Variants in ANO1 observed in about 807,000 individuals in gnomAD.
ANO1 encodes the protein anoctamin 1, also known as anoctamin-1.
Under a neutral mutation model 124.0 loss-of-function variants are expected in ANO1, and 59 were observed. The observed-to-expected ratio is 0.48, with a 90% confidence interval of 0.39 to 0.59. ANO1 has a LOEUF of 0.59. ANO1 is among the 20% of genes least tolerant of loss of function. The pLI, the probability that ANO1 is intolerant of heterozygous loss-of-function variation, is 0.00. For missense variants in ANO1, 1,059 were observed against 1,328.0 expected (o/e 0.80, Z 3.15); for synonymous variants, 529 against 532.0 (o/e 0.99, Z 0.08).
At chr11:70,008,957 C>G (rs552290608) in intron 1 of ANO1, among the ~76,000 whole-genome samples, 2 of 152,068 alleles carry the variant, frequency 1.3e-5, no homozygotes, top group African/African-American at 4.8e-5. Context: ...GGGAAAATGT[C>G]GAGGAATCAG....
chr11:70,003,609 GGATGGATGGA>G (rs1565158114), intron 1 of ANO1, among the ~76,000 whole-genome samples: 18 of 138,376 alleles, frequency 1.3e-4, no homozygotes, highest in South Asian at 1.1e-3. Flanking sequence ...ATGGATGGAT[GGATGGATGGA>G]TGGATGGATG....
At chr11:70,166,705 G>A (rs962257574) in intron 20 of ANO1, among the ~76,000 whole-genome samples, 1 of 152,108 alleles carries the variant, frequency 6.6e-6, no homozygotes, top group Non-Finnish European at 1.5e-5. Context: ...ACAAGTGGTC[G>A]TTTGCCCTCC....
intron 7 of ANO1, among the ~76,000 whole-genome samples, chr11:70,113,345 G>C (rs1172657983): frequency 6.6e-6 from 1 of 152,152 alleles, no homozygotes; most frequent in Non-Finnish European, 1.5e-5. Flanking sequence ...ATTGAGATTG[G>C]ATTGAGTCGG....
chr11:70,150,559 G>A (rs2047562968), intron 12 of ANO1, among the ~76,000 whole-genome samples: 1 of 152,128 alleles, frequency 6.6e-6, no homozygotes, highest in Non-Finnish European at 1.5e-5. Context: ...TTGGGAGACA[G>A]GGTCTCCCTC....
chr11:70,075,201 T>A (rs1461855101), upstream of ANO1: 1 of 152,184 alleles, frequency 6.6e-6, no homozygotes, highest in African/African-American at 2.4e-5. Flanking sequence ...TCTGAGGTAT[T>A]CTTCCCTGTG....
At chr11:70,008,367 T>C (rs1402943985) in intron 1 of ANO1, among the ~76,000 whole-genome samples, 3 of 152,238 alleles carry the variant, frequency 2.0e-5, no homozygotes, top group African/African-American at 4.8e-5. Context: ...AGCAGTTCTG[T>C]ATTTGCAGGT....
At chr11:70,048,477 G>A (rs1292203971) in intron 1 of ANO1, among the ~76,000 whole-genome samples, 2 of 151,932 alleles carry the variant, frequency 1.3e-5, no homozygotes, top group African/African-American at 4.8e-5. Context: ...GCAATGGGGG[G>A]GTGGTGTGGT....
chr11:69,975,587 G>T, the ANO1 span, among the ~76,000 whole-genome samples: 2 of 152,214 alleles, frequency 1.3e-5, no homozygotes, highest in African/African-American at 4.8e-5. Context: ...GGCAGTTGGG[G>T]TGCCAGAGGG....
intron 7 of ANO1, among the ~76,000 whole-genome samples, chr11:70,112,541 CTCTTTTCTTT>C (rs1209906760): frequency 8.9e-5 from 13 of 145,472 alleles, no homozygotes; most frequent in Non-Finnish European, 1.9e-4. Flanking sequence ...GTCCTAACTC[CTCTTTTCTTT>C]TCTTTTTTTT....
rs151272190 is a variant in ANO1, at chr11:69,999,953, G to C, written c.58+13787G>C. The stretch of plus-strand genomic sequence containing the variant: ...GGAAAAAGGGAAGGGAGGCCCCAAA[G>C]AGTTCTATTCAGAGCACGGCCCATA... On this transcript the variant is annotated intron_variant, in intron 1 of 27. Coordinates refer to the ANO1 transcript ENST00000531349. Among the ~76,000 whole-genome samples, 409 of 152,246 alleles carry C rather than the reference G, an allele frequency of 2.7e-3. 2 individuals are homozygous for C. The highest frequency in any genetic ancestry group is 9.6e-3 in the African/African-American group (399 of 41,526).
intron 1 of ANO1, among the ~76,000 whole-genome samples, chr11:70,016,097 G>A (rs2001396): frequency 0.5 from 74,710 of 150,886 alleles, 19,653 homozygotes; most frequent in East Asian, 0.89. Context: ...GTGCAATCTC[G>A]GTTCACCGCA....
At chr11:69,978,885 T>G in the ANO1 span, among the ~76,000 whole-genome samples, 1 of 152,174 alleles carries the variant, frequency 6.6e-6, no homozygotes, top group Non-Finnish European at 1.5e-5. Context: ...CTATTTAGAG[T>G]TCGTAATCTC....
At chr11:70,166,093 G>A (rs185738690) in intron 20 of ANO1, among the ~76,000 whole-genome samples, 13 of 152,140 alleles carry the variant, frequency 8.5e-5, no homozygotes, top group African/African-American at 2.6e-4. Context: ...TGAGGCAGGC[G>A]GATCACTTGA....
intron 1 of ANO1, among the ~76,000 whole-genome samples, chr11:70,031,391 C>T (rs1157457952): frequency 6.6e-6 from 1 of 152,180 alleles, no homozygotes; most frequent in African/African-American, 2.4e-5. Flanking sequence ...TGGGTAATAG[C>T]ATACTATTGA....
At chr11:70,082,801 T>G (rs2044243119) in intron 1 of ANO1, among the ~76,000 whole-genome samples, 1 of 152,158 alleles carries the variant, frequency 6.6e-6, no homozygotes, top group Admixed American at 6.5e-5. Flanking sequence ...CACCATAAAG[T>G]CACACGCACT....
chr11:69,981,160 G>A (rs141950321), upstream of ANO1, among the ~76,000 whole-genome samples: 24 of 152,360 alleles, frequency 1.6e-4, no homozygotes, highest in African/African-American at 5.5e-4. Context: ...GCTCAAACCA[G>A]GGACATGGAG....
chr11:70,105,586 G>A (rs572439236), intron 4 of ANO1, 148 bp from the exon 5 acceptor site: 31 of 698,556 alleles, frequency 4.4e-5, no homozygotes, highest in Middle Eastern at 4.1e-4. Flanking sequence ...GCCCAGGGGC[G>A]GACGGGTCAT....
intron 9 of ANO1, 109 bp downstream of exon 9, chr11:70,124,523 T>G: frequency 1.7e-6 from 2 of 1,203,016 alleles, no homozygotes; most frequent in Non-Finnish European, 2.4e-6. Context: ...GGGAACGTGT[T>G]TGAACTCAAA....
intron 2 of ANO1, among the ~76,000 whole-genome samples, chr11:70,095,398 GAAAGAAAGAAAGAA>G (rs2044882778): frequency 2.2e-5 from 1 of 45,210 alleles, no homozygotes; most frequent in African/African-American, 5.9e-5. Flanking sequence ...AAGAAAGAAA[GAAAGAAAGAAAGAA>G]AGAAAGAAAG....
Sources: gnomAD v4.1 joint callset for allele counts (sites outside exome capture counted in the v4.1 genomes callset) on GRCh38, gnomAD v4.1.1 for gene constraint, MANE v1.5 for transcripts, NCBI Gene and HGNC (gene_info 2026-07-23, HGNC 2026-07-21) for gene names.